The following PTCHD4 variants were observed in gnomAD, a reference collection of about 807,000 sequenced individuals.
PTCHD4 encodes patched domain-containing protein 4.
Under a neutral mutation model 58.1 loss-of-function variants are expected in PTCHD4, and 33 were observed. That is an observed-to-expected ratio of 0.57 (90% CI 0.43 to 0.76). The LOEUF (loss-of-function observed/expected upper bound fraction) is 0.76, where lower values mean the gene tolerates loss of function less well. Among genes scored for constraint, PTCHD4 ranks in the 30% least tolerant of loss-of-function variants. PTCHD4 has a pLI of 0.00. For synonymous variants in PTCHD4, 478 were observed against 409.6 expected, an observed-to-expected ratio of 1.17 and a Z score of -2.02; for missense variants, 1,058 against 1,027.1, an observed-to-expected ratio of 1.03 and a Z score of -0.41.
chr6:48,088,523 T>C (rs759331524), intron 1 of PTCHD4, among the ~76,000 whole-genome samples: 6 of 152,064 alleles, frequency 3.9e-5, no homozygotes, highest in Non-Finnish European at 8.8e-5. Flanking sequence ...ATTTGGATGA[T>C]TGTGTAAATG....
Position 48,008,628 on chromosome 6 carries a change from A to T in PTCHD4, c.898+6T>A. ...GAATCCGATTACCACAAGGATGGAT[A>T]GTTACCCATGGCGAAGAACGGGATT... On this transcript the variant is annotated splice_donor_region_variant and intron_variant, in intron 4 of 4. Transcript: ENST00000339488. 2 of 1,611,986 alleles carry T rather than the reference A, an allele frequency of 1.2e-6. No homozygotes were observed. Among genetic ancestry groups the T allele is most frequent in the Middle Eastern group, 1.7e-4 (1 of 6,038 alleles).
At chr6:48,087,448 GTAA>G (rs1240309184) in intron 1 of PTCHD4, among the ~76,000 whole-genome samples, 2 of 152,132 alleles carry the variant, frequency 1.3e-5, no homozygotes, top group Non-Finnish European at 2.9e-5. Context: ...GAATTATAAT[GTAA>G]TAATGATGCT....
intron 3 of PTCHD4, among the ~76,000 whole-genome samples, chr6:48,020,510 G>C (rs1011191769): frequency 6.6e-6 from 1 of 151,256 alleles, no homozygotes; most frequent in African/African-American, 2.4e-5. Context: ...TGCTACTTTC[G>C]TTGGCAAAAA....
At chr6:47,942,527 T>G (rs569861109) in intron 4 of PTCHD4, among the ~76,000 whole-genome samples, 4 of 152,302 alleles carry the variant, frequency 2.6e-5, no homozygotes, top group African/African-American at 9.6e-5. Flanking sequence ...TCACAGCTGG[T>G]GAAGGTTGCC....
chr6:48,001,328 G>C (rs1026294996), intron 4 of PTCHD4, among the ~76,000 whole-genome samples: 1 of 152,162 alleles, frequency 6.6e-6, no homozygotes, highest in African/African-American at 2.4e-5. Flanking sequence ...AACGAAGCTG[G>C]AGGCATCATG....
intron 1 of PTCHD4, among the ~76,000 whole-genome samples, chr6:48,070,205 A>G (rs1469098992): frequency 6.6e-6 from 1 of 151,762 alleles, no homozygotes; most frequent in East Asian, 1.9e-4. Context: ...GTGATTGTGA[A>G]CTGGAGATTT....
intron 4 of PTCHD4, among the ~76,000 whole-genome samples, chr6:47,919,682 G>T (rs570333596): frequency 6.6e-6 from 1 of 152,234 alleles, no homozygotes; most frequent in South Asian, 2.1e-4. Context: ...TGCATTTTGT[G>T]TAATCCCAGA....
At position 48,068,197 on chromosome 6, in the gene PTCHD4, G is replaced by A; in HGVS notation, c.417+33C>T. 1.3e-6 allele frequency: 2 copies of A among 1,516,380 alleles called. No homozygotes were observed. The highest frequency in any genetic ancestry group is 1.8e-6 in the Non-Finnish European group (2 of 1,130,806). The allele number at this position is 1,516,380 out of a possible 1,614,324, so 93.9% of individuals were successfully genotyped here. On this transcript the variant is annotated intron_variant, in intron 3 of 4. Coordinates refer to ENST00000339488, the MANE Select transcript of PTCHD4 (RefSeq NM_001384253.1). The surrounding 1 kb of genome is among the most constrained non-coding windows in gnomAD (Gnocchi z 4.2). Reference sequence around the variant, plus strand: ...CCTGATTTCTCAACACACACAGATGGGAAAAAGTATAATTATAGCCCTTGT... The same window carrying A: ...CCTGATTTCTCAACACACACAGATGAGAAAAAGTATAATTATAGCCCTTGT...
chr6:47,976,523 G>A (rs1186498328), intron 4 of PTCHD4, among the ~76,000 whole-genome samples: 13 of 151,850 alleles, frequency 8.6e-5, no homozygotes, highest in South Asian at 8.3e-4. Context: ...GTGTGGTGGC[G>A]TGCACCTGTA....
At chr6:47,932,090 T>C (rs919628387) in intron 4 of PTCHD4, among the ~76,000 whole-genome samples, 1 of 152,162 alleles carries the variant, frequency 6.6e-6, no homozygotes, top group Non-Finnish European at 1.5e-5. Context: ...TTCCTCTTTC[T>C]AGAAACACTC....
intron 4 of PTCHD4, among the ~76,000 whole-genome samples, chr6:47,986,467 C>A (rs1489006409): frequency 1.3e-5 from 2 of 152,156 alleles, no homozygotes; most frequent in Non-Finnish European, 2.9e-5. Flanking sequence ...TTTTAAGTAG[C>A]ATATATATTC....
At chr6:48,012,684 C>T (rs930680500) in intron 3 of PTCHD4, among the ~76,000 whole-genome samples, 1 of 152,148 alleles carries the variant, frequency 6.6e-6, no homozygotes, top group African/African-American at 2.4e-5. Context: ...AGCTTTTGCC[C>T]ATTCAGTATG....
At chr6:47,885,532 TA>T (rs908723566) in intron 4 of PTCHD4, among the ~76,000 whole-genome samples, 59 of 151,748 alleles carry the variant, frequency 3.9e-4, no homozygotes, top group Middle Eastern at 3.2e-3. Flanking sequence ...GTTTTTAAAT[TA>T]AAAAAAAATT....
At chr6:47,968,038 G>A (rs921887702) in intron 4 of PTCHD4, among the ~76,000 whole-genome samples, 3 of 152,280 alleles carry the variant, frequency 2.0e-5, no homozygotes, top group South Asian at 2.1e-4. Flanking sequence ...AAGATGACTA[G>A]CTTTTGGCTT....
At chr6:48,078,393 A>G (rs1408618350) in intron 1 of PTCHD4, among the ~76,000 whole-genome samples, 2 of 152,236 alleles carry the variant, frequency 1.3e-5, no homozygotes, top group Non-Finnish European at 2.9e-5. Context: ...TATTGTGGCC[A>G]CAGAGGAATA....
At chr6:47,910,198 T>C (rs946899409) in intron 4 of PTCHD4, among the ~76,000 whole-genome samples, 1 of 152,160 alleles carries the variant, frequency 6.6e-6, no homozygotes. Flanking sequence ...GTGTTTTGTT[T>C]TTATCATTTA....
At chr6:48,104,406 G>C (rs960085641) in intron 1 of PTCHD4, among the ~76,000 whole-genome samples, 1 of 152,192 alleles carries the variant, frequency 6.6e-6, no homozygotes, top group Admixed American at 6.5e-5. Flanking sequence ...AATGCTGAGA[G>C]ATTTTGTCAC....
At position 47,877,931 on chromosome 6, in the gene PTCHD4, C is replaced by T. The variant is rs1561934125; in HGVS notation, c.*372G>A. On this transcript the variant is annotated 3_prime_UTR_variant, in exon 5 of 5. Coordinates refer to ENST00000339488, the MANE Select transcript of PTCHD4 (RefSeq NM_001384253.1). ...AAGTGCCATGGCACATTTCCCATGT[C>T]TTTCCCCCTATTTGAAGGACACCTT... 1 of 165,436 alleles carries T rather than the reference C, an allele frequency of 6.0e-6. No individual in the cohort carries two copies. The highest frequency in any genetic ancestry group is 2.4e-5 in the African/African-American group (1 of 41,878). 10.2% of individuals were successfully genotyped at this position (165,436 alleles called of 1,614,324 possible). A position where few individuals can be genotyped will look rare whatever the true frequency, so the allele number is the denominator to read the frequency against.
chr6:48,031,111 G>C (rs903092706), intron 3 of PTCHD4, among the ~76,000 whole-genome samples: 2 of 151,990 alleles, frequency 1.3e-5, no homozygotes, highest in African/African-American at 4.8e-5. Context: ...GCACTTTCTT[G>C]TAAAATTCAA....
Sources: allele counts gnomAD v4.1 joint callset (sites outside exome capture counted in the v4.1 genomes callset), GRCh38; gene constraint gnomAD v4.1.1; non-coding constraint Gnocchi (gnomAD v3.1); transcripts MANE v1.5; gene names NCBI Gene and HGNC (gene_info 2026-07-23, HGNC 2026-07-21).